Variants in TFG observed in about 807,000 individuals in gnomAD.
TFG encodes protein TFG.
TFG carries 22 observed loss-of-function variants against 51.4 expected under a neutral mutation model. The observed-to-expected ratio is 0.43, with a 90% CI of 0.31 to 0.61. The LOEUF (loss-of-function observed/expected upper bound fraction) is 0.61, where lower values mean the gene tolerates loss of function less well. TFG is among the 20% of genes least tolerant of loss of function. TFG has a pLI of 0.12. For synonymous variants in TFG, 187 were observed against 165.6 expected, an observed-to-expected ratio of 1.13 and a Z score of -0.99; for missense variants, 419 against 487.7, an observed-to-expected ratio of 0.86 and a Z score of 1.33.
At chr3:100,740,761 C>T (rs2095119094) in intron 6 of TFG, among the ~76,000 whole-genome samples, 1 of 152,184 alleles carries the variant, frequency 6.6e-6, no homozygotes, top group South Asian at 2.1e-4. Flanking sequence ...CTCTTTGCTT[C>T]ATCCTGTTCT....
intron 6 of TFG, 62 bp downstream of exon 6, chr3:100,736,778 A>G: frequency 6.5e-7 from 1 of 1,548,034 alleles, no homozygotes; most frequent in East Asian, 2.3e-5. Context: ...TTATTACAGC[A>G]TTGTTGTAAA....
chr3:100,724,340 C>T (rs1283692177), intron 3 of TFG, among the ~76,000 whole-genome samples: 3 of 152,046 alleles, frequency 2.0e-5, no homozygotes, highest in Admixed American at 6.5e-5. Flanking sequence ...CACAAATAAG[C>T]AATGTTAGAA....
chr3:100,733,387 TTAA>T (rs2095097225), intron 5 of TFG, among the ~76,000 whole-genome samples: 1 of 152,184 alleles, frequency 6.6e-6, no homozygotes, highest in South Asian at 2.1e-4. Context: ...AGTGAATTGT[TTAA>T]TTGTGCTTTC....
At chr3:100,728,898 AC>A in intron 4 of TFG, 40 bp downstream of exon 4, 1 of 1,509,794 alleles carries the variant, frequency 6.6e-7, no homozygotes, top group South Asian at 1.3e-5. Flanking sequence ...TATTGTTCTT[AC>A]GTCTTTTTGG....
Position 100,741,513 on chromosome 3 carries a change from T to A in TFG, c.722-3320T>A, listed in dbSNP as rs573936916. ...ACTTTAAGCTAAAGTATTAAAAAAGTTAAAAAATCAAGTTTATAAAGTAAA... is the reference window on the plus strand; with the variant it reads ...ACTTTAAGCTAAAGTATTAAAAAAGATAAAAAATCAAGTTTATAAAGTAAA... On this transcript the variant is annotated intron_variant, in intron 6 of 7. Transcript: ENST00000240851. Among the ~76,000 whole-genome samples the A allele has an allele frequency of 3.0e-4, 46 of 152,282 alleles. 2 individuals are homozygous for A. The South Asian group carries it at 9.3e-3, about 31-fold the overall frequency.
chr3:100,709,442 G>T (rs72919417), upstream of TFG: 3,624 of 152,636 alleles, frequency 0.024, 110 homozygotes, highest in African/African-American at 0.071. Flanking sequence ...GTATGTCCAC[G>T]CGCAATAAGG....
In TFG at chr3:100,728,864, C is replaced by A; in HGVS notation, c.415+6C>A. The A allele has an allele frequency of 3.8e-6, 6 of 1,596,594 alleles. No homozygotes were observed. The highest frequency in any genetic ancestry group is 2.3e-5 in the East Asian group (1 of 44,058). On this transcript the variant is annotated splice_donor_region_variant and intron_variant, in intron 4 of 7. Coordinates refer to ENST00000240851, the MANE Select transcript of TFG (RefSeq NM_006070.6). ...CACCAATATTCCTGAAAATGGTAAA[C>A]CCTGAATCCATTGTATTCTGACTTA...
At chr3:100,724,497 A>G (rs928138324) in intron 3 of TFG, among the ~76,000 whole-genome samples, 4 of 152,224 alleles carry the variant, frequency 2.6e-5, no homozygotes, top group African/African-American at 9.6e-5. Flanking sequence ...CCCAATTAAC[A>G]TTAAAGAAAT....
At chr3:100,723,555 A>G (rs2095066567) in intron 3 of TFG, among the ~76,000 whole-genome samples, 1 of 152,182 alleles carries the variant, frequency 6.6e-6, no homozygotes, top group Non-Finnish European at 1.5e-5. Context: ...GGCTAGGAAA[A>G]GAGACTAGAC....
intron 4 of TFG, 51 bp from the exon 5 acceptor site, chr3:100,732,457 G>T: frequency 1.4e-6 from 2 of 1,420,436 alleles, no homozygotes; most frequent in Admixed American, 2.0e-5. Flanking sequence ...AGGCCTTACT[G>T]AATATAGATA....
intron 6 of TFG, chr3:100,744,309 CTT>C (rs1462619323): frequency 1.3e-5 from 2 of 152,168 alleles, no homozygotes; most frequent in African/African-American, 4.8e-5. Flanking sequence ...GAAAATCAAA[CTT>C]GACAAATTCC....
intron 2 of TFG, among the ~76,000 whole-genome samples, chr3:100,717,687 T>G (rs13073146): frequency 0.25 from 38,473 of 151,460 alleles, 5,444 homozygotes; most frequent in East Asian, 0.5. Flanking sequence ...TTTTTATTTT[T>G]TATTGTATGT....
At chr3:100,747,369 A>C (rs995612224) in intron 7 of TFG, 6 of 152,214 alleles carry the variant, frequency 3.9e-5, no homozygotes, top group African/African-American at 1.5e-4. Flanking sequence ...AGGGTTGTAC[A>C]TATTTTAATA....
At chr3:100,728,571 T>TAA in intron 3 of TFG, 141 bp from the exon 4 acceptor site, 5 of 628,816 alleles carry the variant, frequency 8.0e-6, no homozygotes, top group Middle Eastern at 5.0e-4. Flanking sequence ...TTCTTTTTTT[T>TAA]TAAAAAAAAA....
At chr3:100,736,790 A>T (rs1460827264) in intron 6 of TFG, 74 bp downstream of exon 6, 58 of 1,486,234 alleles carry the variant, frequency 3.9e-5, no homozygotes, top group Non-Finnish European at 5.2e-5. Flanking sequence ...TGTTGTAAAC[A>T]CTTCATGTAT....
Position 100,736,705 on chromosome 3 carries a change from G to T in TFG, c.710G>T (p.Gly237Val). The change falls in exon 6 of 8, where the codon GGT (glycine) becomes GTT (valine). Residue 237 changes from glycine to valine, a missense_variant. This residue lies in a region of TFG where 391 missense variants were observed against 434.4 expected (regional missense o/e 0.90). Coordinates refer to ENST00000240851, the MANE Select transcript of TFG (RefSeq NM_006070.6). The stretch of plus-strand genomic sequence containing the variant: ...TATACAGGAGCTCAGACTCAAGCAG[G>T]TCAGATTGAAGGTAAAATAGAGTTT... ...PPYTGAQTQAGQIEGQMYQQY... is the reference protein window; with the variant it reads ...PPYTGAQTQAVQIEGQMYQQY... The T allele has an allele frequency of 1.9e-6, 3 of 1,613,862 alleles. No individual in the cohort carries two copies. The highest frequency in any genetic ancestry group is 1.3e-5 in the African/African-American group (1 of 74,998).
At chr3:100,724,705 A>G (rs2095070079) in intron 3 of TFG, among the ~76,000 whole-genome samples, 1 of 152,252 alleles carries the variant, frequency 6.6e-6, no homozygotes, top group Non-Finnish European at 1.5e-5. Context: ...TAATATTTAC[A>G]AATCAAACTC....
chr3:100,737,546 T>C lies in TFG; in HGVS notation c.721+830T>C, dbSNP rs557960913. Among the ~76,000 whole-genome samples, 13 of 152,342 alleles carry C rather than the reference T, an allele frequency of 8.5e-5. No individual in the cohort carries two copies. In the South Asian group the frequency reaches 2.7e-3, roughly 32 times the overall value. The stretch of plus-strand genomic sequence containing the variant: ...TGATTTTTGTATTGTCTATGTGTGT[T>C]GGGACCTTTAAAGCCGCATTCCACT... On this transcript the variant is annotated intron_variant, in intron 6 of 7. Transcript: ENST00000240851.
rs192059503 is a variant in TFG at position 100,721,993 on chromosome 3, T to A, written c.268+1935T>A. Among the ~76,000 whole-genome samples, 380 of 152,196 alleles carry A rather than the reference T, an allele frequency of 2.5e-3. 3 individuals are homozygous for A. The highest frequency in any genetic ancestry group is 8.4e-3 in the African/African-American group (348 of 41,526). On this transcript the variant is annotated intron_variant, in intron 3 of 7. Transcript: ENST00000240851. Reference sequence around the variant, plus strand: ...CGGTAAAACCCTATCTCTACTGAAATGCAAAAAATTAGCCAGCTGTAGTGG... The same window carrying A: ...CGGTAAAACCCTATCTCTACTGAAAAGCAAAAAATTAGCCAGCTGTAGTGG...
Sources: gnomAD v4.1 joint callset for allele counts (sites outside exome capture counted in the v4.1 genomes callset) on GRCh38, gnomAD v4.1.1 for gene constraint, gnomAD v4.1.1 regional missense constraint, MANE v1.5 for transcripts, NCBI Gene and HGNC (gene_info 2026-07-23, HGNC 2026-07-21) for gene names.